The following TMPRSS11F variants were observed in gnomAD, a reference collection of about 807,000 sequenced individuals.
The protein encoded by TMPRSS11F is transmembrane protease serine 11F.
Under a neutral mutation model 60.2 loss-of-function variants are expected in TMPRSS11F, and 47 were observed. The observed-to-expected ratio is 0.78, with a 90% CI of 0.62 to 1.00. The LOEUF (loss-of-function observed/expected upper bound fraction) is 1.00. Among genes scored for constraint, TMPRSS11F ranks in the 50% least tolerant of loss-of-function variants. The pLI is 0.00. For missense variants in TMPRSS11F, 519 were observed against 522.9 expected, an observed-to-expected ratio of 0.99 and a Z score of 0.07; for synonymous variants, 166 against 167.3, an observed-to-expected ratio of 0.99 and a Z score of 0.06.
intron 3 of TMPRSS11F, among the ~76,000 whole-genome samples, chr4:68,089,076 C>CA (rs36070191): frequency 6.6e-6 from 1 of 151,682 alleles, no homozygotes; most frequent in Non-Finnish European, 1.5e-5. Context: ...TACACGGAAC[C>CA]AAAAAAGGGT....
intron 3 of TMPRSS11F, among the ~76,000 whole-genome samples, chr4:68,086,091 C>T (rs954740187): frequency 6.6e-6 from 1 of 152,010 alleles, no homozygotes; most frequent in African/African-American, 2.4e-5. Flanking sequence ...GTCTCATCTG[C>T]ATGTGGAATA....
At chr4:68,090,479 C>A in intron 3 of TMPRSS11F, 44 bp downstream of exon 3, 1 of 1,537,720 alleles carries the variant, frequency 6.5e-7, no homozygotes, top group Non-Finnish European at 8.7e-7. Flanking sequence ...CAAAGTGATG[C>A]AAAAGACACA....
intron 2 of TMPRSS11F, among the ~76,000 whole-genome samples, chr4:68,092,559 T>C (rs1173635784): frequency 6.6e-6 from 1 of 152,178 alleles, no homozygotes; most frequent in African/African-American, 2.4e-5. Context: ...TTCTTTATTT[T>C]TACTGATGGA....
intron 1 of TMPRSS11F, among the ~76,000 whole-genome samples, chr4:68,110,328 A>G (rs1323642992): frequency 6.6e-6 from 1 of 152,206 alleles, no homozygotes; most frequent in Admixed American, 6.5e-5. Flanking sequence ...TGCACAAAGG[A>G]AACTGTGAAC....
chr4:68,093,926 T>C (rs1577926007), intron 2 of TMPRSS11F, among the ~76,000 whole-genome samples: 2 of 117,186 alleles, frequency 1.7e-5, no homozygotes, highest in South Asian at 3.0e-4. Context: ...TGTGGAGAAA[T>C]AGGAACACTT....
At chr4:68,120,203 C>T (rs530193225) in intron 1 of TMPRSS11F, among the ~76,000 whole-genome samples, 1 of 152,012 alleles carries the variant, frequency 6.6e-6, no homozygotes, top group Non-Finnish European at 1.5e-5. Flanking sequence ...GAAACTATTC[C>T]TGGTGAAATG....
At chr4:68,074,194 A>T (rs536343892) in intron 3 of TMPRSS11F, among the ~76,000 whole-genome samples, 185 bp from the exon 4 acceptor site, 16 of 152,374 alleles carry the variant, frequency 1.1e-4, no homozygotes, top group African/African-American at 3.8e-4. Context: ...GTACACTGAC[A>T]GTTGTAAGAC....
At chr4:68,058,980 T>C (rs964577822) in intron 9 of TMPRSS11F, among the ~76,000 whole-genome samples, 4 of 152,140 alleles carry the variant, frequency 2.6e-5, no homozygotes, top group African/African-American at 7.2e-5. Flanking sequence ...GTGTTGCTAA[T>C]GCAGGGCTTG....
intron 1 of TMPRSS11F, among the ~76,000 whole-genome samples, chr4:68,128,740 T>G (rs2109895091): frequency 6.6e-6 from 1 of 152,284 alleles, no homozygotes; most frequent in South Asian, 2.1e-4. Context: ...TATTCTGTCT[T>G]TATCTTGATA....
intron 9 of TMPRSS11F, among the ~76,000 whole-genome samples, chr4:68,055,790 TA>T (rs1296693379): frequency 1.3e-5 from 2 of 152,136 alleles, no homozygotes; most frequent in Non-Finnish European, 2.9e-5. Flanking sequence ...ACATAGGATG[TA>T]AAAATCCTTA....
chr4:68,086,223 T>A (rs1723808338), intron 3 of TMPRSS11F, among the ~76,000 whole-genome samples: 1 of 151,952 alleles, frequency 6.6e-6, no homozygotes, highest in Non-Finnish European at 1.5e-5. Flanking sequence ...CAAGAAGATA[T>A]CTCAAAACCA....
intron 1 of TMPRSS11F, among the ~76,000 whole-genome samples, chr4:68,102,822 T>C (rs1053095932): frequency 6.6e-6 from 1 of 152,134 alleles, no homozygotes; most frequent in Non-Finnish European, 1.5e-5. Flanking sequence ...AAGTTTGATG[T>C]TGTTCTGCTT....
chr4:68,092,079 C>T (rs1723955494), intron 2 of TMPRSS11F, among the ~76,000 whole-genome samples: 1 of 152,100 alleles, frequency 6.6e-6, no homozygotes, highest in South Asian at 2.1e-4. Context: ...AGCCACCGCA[C>T]CTGGCCAGAT....
intron 9 of TMPRSS11F, among the ~76,000 whole-genome samples, chr4:68,056,717 C>T (rs981374123): frequency 6.6e-6 from 1 of 151,678 alleles, no homozygotes; most frequent in Admixed American, 6.6e-5. Context: ...AAAAAAAAAC[C>T]TTGAATAGTC....
intron 9 of TMPRSS11F, among the ~76,000 whole-genome samples, chr4:68,056,784 A>C (rs1723056516): frequency 6.6e-6 from 1 of 152,212 alleles, no homozygotes; most frequent in Non-Finnish European, 1.5e-5. Flanking sequence ...CTGGTTTCAA[A>C]ATGTCTTATA....
intron 1 of TMPRSS11F, among the ~76,000 whole-genome samples, chr4:68,119,136 A>G (rs914750049): frequency 1.3e-5 from 2 of 152,162 alleles, no homozygotes; most frequent in Admixed American, 6.5e-5. Flanking sequence ...AACCAGCCAC[A>G]CACAACATGT....
At chr4:68,062,643 C>A (rs1423945801) in intron 8 of TMPRSS11F, 4 of 791,568 alleles carry the variant, frequency 5.1e-6, no homozygotes, top group Non-Finnish European at 9.2e-6. Context: ...CTGTTGAGAC[C>A]TAAATAAATC....
chr4:68,088,421 T>G (rs1272893587), intron 3 of TMPRSS11F, among the ~76,000 whole-genome samples: 1 of 150,674 alleles, frequency 6.6e-6, no homozygotes, highest in Admixed American at 6.6e-5. Flanking sequence ...CAAAGAGACT[T>G]AGACTCCCAC....
In TMPRSS11F at chr4:68,053,409, C is replaced by A. The variant is rs1722981541; in HGVS notation, c.*500G>T. The A allele has an allele frequency of 1.3e-5, 2 of 152,708 alleles. 1 individual carries two copies. The highest frequency in any genetic ancestry group is 1.3e-4 in the Admixed American group (2 of 15,262). 9.5% of individuals were successfully genotyped at this position (152,708 alleles called of 1,614,324 possible). ...TGCTCTGTATTATTAGATATAAGCC[C>A]AGTTCAAGTCATAATGCAAATCCCA... On this transcript the variant is annotated 3_prime_UTR_variant, in exon 10 of 10. Transcript: ENST00000356291.
Sources: gnomAD v4.1 joint callset for allele counts (sites outside exome capture counted in the v4.1 genomes callset) on GRCh38, gnomAD v4.1.1 for gene constraint, MANE v1.5 for transcripts, NCBI Gene and HGNC (gene_info 2026-07-23, HGNC 2026-07-21) for gene names.